The following PSD3 variants were observed in gnomAD, a reference collection of about 807,000 sequenced individuals.
PSD3 encodes the protein PH and SEC7 domain-containing protein 3.
A neutral mutation model predicts 105.5 loss-of-function variants in PSD3; 49 were observed. The ratio of observed to expected loss-of-function variants is 0.46; its 90% confidence interval spans 0.37 to 0.59. PSD3 has a LOEUF of 0.59. Ranked by LOEUF, PSD3 falls within the 20% of genes least tolerant of loss-of-function variation. The pLI is 0.00. For missense variants in PSD3, 1,561 were observed against 1,263.8 expected, an observed-to-expected ratio of 1.24 and a Z score of -3.57; for synonymous variants, 557 against 457.8, an observed-to-expected ratio of 1.22 and a Z score of -2.77.
chr8:18,960,257 A>C (rs1364845735), intron 1 of PSD3, among the ~76,000 whole-genome samples: 1 of 152,238 alleles, frequency 6.6e-6, no homozygotes, highest in Non-Finnish European at 1.5e-5. Flanking sequence ...GTCAGAATGC[A>C]GAGTGTGGTC....
At chr8:18,608,059 C>G (rs545179139) in intron 11 of PSD3, among the ~76,000 whole-genome samples, 1 of 152,268 alleles carries the variant, frequency 6.6e-6, no homozygotes, top group African/African-American at 2.4e-5. Flanking sequence ...GGTGGGGACA[C>G]AGCCAAACCA....
chr8:18,889,678 C>T (rs946106198), intron 2 of PSD3, among the ~76,000 whole-genome samples: 2 of 152,176 alleles, frequency 1.3e-5, no homozygotes, highest in Non-Finnish European at 2.9e-5. Flanking sequence ...CCTGTGATCC[C>T]GTGCAATGTA....
At chr8:18,772,941 T>C (rs142712260) in intron 8 of PSD3, among the ~76,000 whole-genome samples, 6 of 152,352 alleles carry the variant, frequency 3.9e-5, no homozygotes, top group African/African-American at 1.4e-4. Context: ...TAACTCCTTA[T>C]AGGTATATGA....
At chr8:18,683,348 G>C (rs556139841) in intron 9 of PSD3, among the ~76,000 whole-genome samples, 1 of 152,294 alleles carries the variant, frequency 6.6e-6, no homozygotes, top group East Asian at 1.9e-4. Context: ...GCTGGGGGAA[G>C]ACCAGGGGAG....
intron 14 of PSD3, among the ~76,000 whole-genome samples, chr8:18,559,038 G>C (rs1801241524): frequency 6.6e-6 from 1 of 152,072 alleles, no homozygotes; most frequent in Admixed American, 6.6e-5. Flanking sequence ...CTTGTTTTCA[G>C]GTTTCCTGTT....
intron 11 of PSD3, among the ~76,000 whole-genome samples, chr8:18,628,304 C>T (rs1413768689): frequency 6.6e-6 from 1 of 151,696 alleles, no homozygotes; most frequent in African/African-American, 2.4e-5. Flanking sequence ...TGATGAAAAC[C>T]AGAGATAGAA....
intron 1 of PSD3, among the ~76,000 whole-genome samples, chr8:19,062,298 T>C (rs1828928202): frequency 6.6e-6 from 1 of 152,202 alleles, no homozygotes; most frequent in Non-Finnish European, 1.5e-5. Flanking sequence ...GGCAGACTGG[T>C]GTTCCTCTCA....
At chr8:18,895,598 G>A (rs1049723269) in intron 2 of PSD3, among the ~76,000 whole-genome samples, 3 of 152,150 alleles carry the variant, frequency 2.0e-5, no homozygotes, top group Non-Finnish European at 4.4e-5. Context: ...TTTTCCTATA[G>A]CACTTTTCCT....
chr8:18,614,436 T>C (rs914136314), intron 11 of PSD3, among the ~76,000 whole-genome samples: 8 of 150,228 alleles, frequency 5.3e-5, no homozygotes, highest in African/African-American at 1.7e-4. Flanking sequence ...GTGCTTAATC[T>C]TTTAGGTAAA....
At chr8:18,784,646 C>T (rs1808957940) in intron 8 of PSD3, among the ~76,000 whole-genome samples, 1 of 152,110 alleles carries the variant, frequency 6.6e-6, no homozygotes, top group Non-Finnish European at 1.5e-5. Context: ...TCACAGAACT[C>T]AGGGAAACAT....
intron 4 of PSD3, among the ~76,000 whole-genome samples, chr8:18,819,283 G>A (rs376092404): frequency 6.6e-6 from 1 of 152,100 alleles, no homozygotes; most frequent in Non-Finnish European, 1.5e-5. Flanking sequence ...AAAAGACAGA[G>A]TCTAAAGGAG....
chr8:18,940,287 G>A (rs1321460280), intron 1 of PSD3: 1 of 152,128 alleles, frequency 6.6e-6, no homozygotes, highest in African/African-American at 2.4e-5. Flanking sequence ...GAATCACCTG[G>A]AATCTTCTTA....
At chr8:18,579,374 C>G (rs569212463) in intron 12 of PSD3, among the ~76,000 whole-genome samples, 3 of 152,228 alleles carry the variant, frequency 2.0e-5, no homozygotes, top group African/African-American at 7.2e-5. Flanking sequence ...TAAATCCAAT[C>G]AAGAAATTTT....
chr8:18,599,545 C>T (rs1804281622), intron 12 of PSD3, among the ~76,000 whole-genome samples: 1 of 152,150 alleles, frequency 6.6e-6, no homozygotes, highest in Non-Finnish European at 1.5e-5. Flanking sequence ...CTTATCTATC[C>T]ATGTGGGATG....
chr8:18,650,540 C>T (rs1345968681), intron 10 of PSD3, among the ~76,000 whole-genome samples: 1 of 152,190 alleles, frequency 6.6e-6, no homozygotes, highest in Non-Finnish European at 1.5e-5. Context: ...TGACTCACTG[C>T]ACTCTTCATT....
chr8:18,584,144 G>A (rs1168403499), intron 12 of PSD3, among the ~76,000 whole-genome samples: 1 of 152,306 alleles, frequency 6.6e-6, no homozygotes, highest in East Asian at 1.9e-4. Context: ...TCAACTAATA[G>A]AAGATACGAG....
intron 15 of PSD3, among the ~76,000 whole-genome samples, chr8:18,540,716 CAA>C (rs1168858905): frequency 1.3e-5 from 2 of 152,146 alleles, no homozygotes; most frequent in Admixed American, 6.5e-5. Context: ...GCACTCCTTT[CAA>C]AAGACACTGC....
At chr8:18,705,513 A>G (rs1038209982) in intron 9 of PSD3, among the ~76,000 whole-genome samples, 1 of 141,518 alleles carries the variant, frequency 7.1e-6, no homozygotes, top group Non-Finnish European at 1.5e-5. Context: ...CCTAGGTGAC[A>G]GAGCCAGACC....
At chr8:19,040,158 C>T (rs71510636) in intron 1 of PSD3, among the ~76,000 whole-genome samples, 1 of 152,154 alleles carries the variant, frequency 6.6e-6, no homozygotes. Flanking sequence ...AGCCAGGACC[C>T]TAGGCCTCAG....
Sources: allele counts gnomAD v4.1 joint callset (sites outside exome capture counted in the v4.1 genomes callset), GRCh38; gene constraint gnomAD v4.1.1; transcripts MANE v1.5; gene names NCBI Gene and HGNC (gene_info 2026-07-23, HGNC 2026-07-21).